Variants in DOCK10 observed in about 807,000 individuals in gnomAD.
DOCK10 encodes dedicator of cytokinesis 10, also known as dedicator of cytokinesis protein 10.
DOCK10 carries 145 observed loss-of-function variants against 280.1 expected under a neutral mutation model. The observed-to-expected ratio is 0.52, with a 90% CI of 0.45 to 0.59. The LOEUF (loss-of-function observed/expected upper bound fraction) is 0.59. DOCK10 is among the 20% of genes least tolerant of loss of function. DOCK10 has a pLI of 0.00. For missense variants in DOCK10, 2,368 were observed against 2,651.7 expected, an observed-to-expected ratio of 0.89 and a Z score of 2.35; for synonymous variants, 915 against 942.2, an observed-to-expected ratio of 0.97 and a Z score of 0.53.
intron 1 of DOCK10, among the ~76,000 whole-genome samples, chr2:224,957,438 GTATCA>G (rs1704116578): frequency 6.6e-6 from 1 of 152,062 alleles, no homozygotes; most frequent in African/African-American, 2.4e-5. Flanking sequence ...TTACAAATGT[GTATCA>G]TCACACCTTT....
intron 1 of DOCK10, among the ~76,000 whole-genome samples, chr2:225,028,432 C>G (rs1008045518): frequency 6.6e-6 from 1 of 152,212 alleles, no homozygotes; most frequent in Non-Finnish European, 1.5e-5. Flanking sequence ...AAGCATGAGA[C>G]AAATTTTCCT....
chr2:225,023,457 C>T (rs1009117501), intron 1 of DOCK10, among the ~76,000 whole-genome samples: 3 of 152,110 alleles, frequency 2.0e-5, no homozygotes, highest in South Asian at 2.1e-4. Context: ...ACATATAAAA[C>T]GATGCTCTAC....
intron 31 of DOCK10, among the ~76,000 whole-genome samples, chr2:224,810,794 T>A (rs570177304): frequency 4.4e-4 from 67 of 152,016 alleles, no homozygotes; most frequent in Middle Eastern, 3.4e-3. Flanking sequence ...TTCATCCATG[T>A]CCCTACAAAG....
At chr2:225,026,914 T>G (rs936129797) in intron 1 of DOCK10, among the ~76,000 whole-genome samples, 4 of 152,204 alleles carry the variant, frequency 2.6e-5, no homozygotes, top group Non-Finnish European at 5.9e-5. Flanking sequence ...AGTGAATCTC[T>G]GTTTATTGAT....
chr2:225,016,131 A>G (rs1219672349), intron 1 of DOCK10, among the ~76,000 whole-genome samples: 1 of 152,186 alleles, frequency 6.6e-6, no homozygotes, highest in Non-Finnish European at 1.5e-5. Flanking sequence ...AGAGTCAGGT[A>G]GCTTTAACAG....
chr2:224,800,380 A>C, intron 40 of DOCK10, 117 bp from the exon 41 acceptor site: 1 of 569,024 alleles, frequency 1.8e-6, no homozygotes, highest in Non-Finnish European at 3.0e-6. Context: ...TTAATAATTT[A>C]TTAAATCAAA....
In DOCK10 at chr2:224,841,795, T is replaced by A. The variant is rs1433358678; in HGVS notation, c.2661+9A>T. The stretch of plus-strand genomic sequence containing the variant: ...GGAGATCACTGAAACTGCTTGCATG[T>A]CATGTTACCTTACAAGAGCGGATGA... On this transcript the variant is annotated intron_variant, in intron 23 of 55. Transcript: ENST00000258390. 7 of 1,589,480 alleles carry A rather than the reference T, an allele frequency of 4.4e-6. No individual in the cohort carries two copies. The highest frequency in any genetic ancestry group is 6.0e-6 in the Non-Finnish European group (7 of 1,157,732).
intron 1 of DOCK10, among the ~76,000 whole-genome samples, chr2:225,014,081 A>ATATTTTTTTTTTTTTTTTTT (rs776104946): frequency 1.0e-5 from 1 of 96,800 alleles, no homozygotes; most frequent in African/African-American, 4.7e-5. Context: ...GTCTGAATAT[A>ATATTTTTTTTTTTTTTTTTT]TTGTTTTTTT....
chr2:224,777,128 A>T (rs1253362998), intron 51 of DOCK10, among the ~76,000 whole-genome samples: 1 of 152,248 alleles, frequency 6.6e-6, no homozygotes, highest in Admixed American at 6.5e-5. Context: ...GTGTAAGAAG[A>T]TGCTGAGTAA....
chr2:224,877,230 C>T (rs1698683428), intron 7 of DOCK10, among the ~76,000 whole-genome samples: 1 of 152,192 alleles, frequency 6.6e-6, no homozygotes, highest in Non-Finnish European at 1.5e-5. Flanking sequence ...TTCTTGTCCT[C>T]CAGAGCACTT....
chr2:224,958,677 T>C (rs1230919642), intron 1 of DOCK10, among the ~76,000 whole-genome samples: 1 of 145,182 alleles, frequency 6.9e-6, no homozygotes, highest in African/African-American at 2.5e-5. Flanking sequence ...ATCATATGTT[T>C]AAAAAAAAAA....
intron 55 of DOCK10, chr2:224,768,781 G>C (rs1489515969): frequency 5.3e-6 from 2 of 374,368 alleles, no homozygotes; most frequent in African/African-American, 4.3e-5. Context: ...AGCTACTAGG[G>C]AGGTGACTAG....
intron 15 of DOCK10, among the ~76,000 whole-genome samples, chr2:224,855,582 C>T (rs1697069728): frequency 6.6e-6 from 1 of 152,180 alleles, no homozygotes; most frequent in Admixed American, 6.5e-5. Flanking sequence ...GCGGACACCC[C>T]TTCCCCACCT....
chr2:225,038,316 C>A (rs751662267), intron 1 of DOCK10, among the ~76,000 whole-genome samples: 2 of 152,038 alleles, frequency 1.3e-5, no homozygotes, highest in African/African-American at 2.4e-5. Flanking sequence ...CTCTTGAATG[C>A]CACCAAGTTC....
rs776429569 is a variant in DOCK10, at chr2:224,886,119, C to A, written c.556G>T (p.Gly186Cys). The A allele has an allele frequency of 6.2e-7, 1 of 1,613,754 alleles. No homozygotes were observed. The highest frequency in any genetic ancestry group is 2.2e-5 in the East Asian group (1 of 44,866). Residue 186 changes from glycine (G) to cysteine (C), a missense_variant, in exon 6 of 56, where the codon GGC (glycine) becomes TGC (cysteine). This residue lies in a region of DOCK10 where 1,209 missense variants were observed against 1,250.9 expected (regional missense o/e 0.97). Coordinates refer to ENST00000258390, the MANE Select transcript of DOCK10 (RefSeq NM_014689.3). ...TTAAAATTCCCCTTGTAGAGCCAGC[C>A]GGACTTGAAAACACCAGTTCCTCCC... The part of the protein sequence containing the change: ...GAGGTGVFKS[G>C]WLYKGNFNST...
chr2:224,893,057 C>T (rs192111556), intron 4 of DOCK10, among the ~76,000 whole-genome samples: 63 of 152,252 alleles, frequency 4.1e-4, no homozygotes, highest in African/African-American at 1.4e-3. Flanking sequence ...TGTTTGCATC[C>T]GACATTGGTG....
intron 1 of DOCK10, among the ~76,000 whole-genome samples, chr2:225,041,803 C>A (rs1008789167): frequency 3.3e-5 from 5 of 152,170 alleles, no homozygotes; most frequent in African/African-American, 1.2e-4. Context: ...ATCCCTCTCT[C>A]TCAGCGCACT....
chr2:224,878,726 C>T (rs1027332155), intron 7 of DOCK10, among the ~76,000 whole-genome samples: 1 of 152,246 alleles, frequency 6.6e-6, no homozygotes, highest in Admixed American at 6.5e-5. Context: ...TTCTAGACTT[C>T]CAAGGATGAG....
At chr2:224,946,452 G>A (rs954677391) in intron 1 of DOCK10, among the ~76,000 whole-genome samples, 1 of 152,040 alleles carries the variant, frequency 6.6e-6, no homozygotes, top group African/African-American at 2.4e-5. Context: ...ATAGAGCAAT[G>A]ACAATTTTTT....
Sources: gnomAD v4.1 joint callset for allele counts (sites outside exome capture counted in the v4.1 genomes callset) on GRCh38, gnomAD v4.1.1 for gene constraint, gnomAD v4.1.1 regional missense constraint, MANE v1.5 for transcripts, NCBI Gene and HGNC (gene_info 2026-07-23, HGNC 2026-07-21) for gene names.